The following DTL variants were observed in gnomAD, a reference collection of about 807,000 sequenced individuals.
DTL encodes denticleless E3 ubiquitin protein ligase adapter.
In DTL, 46 loss-of-function variants were observed where a neutral mutation model predicts 87.0. The observed-to-expected ratio is 0.53, with a 90% CI of 0.42 to 0.68. The LOEUF is 0.68. DTL is among the 30% of genes least tolerant of loss of function. DTL has a pLI of 0.00. For missense variants in DTL, 737 were observed against 869.4 expected, an observed-to-expected ratio of 0.85 and a Z score of 1.91; for synonymous variants, 308 against 311.2, an observed-to-expected ratio of 0.99 and a Z score of 0.11.
chr1:212,097,699 A>G (rs775689549), intron 13 of DTL, among the ~76,000 whole-genome samples: 2 of 151,858 alleles, frequency 1.3e-5, no homozygotes, highest in Non-Finnish European at 2.9e-5. Flanking sequence ...TTAATAATTG[A>G]CCTTCTAAAT....
chr1:212,068,234 G>A lies in DTL; in HGVS notation c.724G>A (p.Val242Ile). The change falls in exon 9 of 15, where the codon GTA becomes ATA. Residue 242 changes from valine to isoleucine, a missense_variant. By Grantham distance (29) the Val-to-Ile change is conservative. Coordinates refer to ENST00000366991, the MANE Select transcript of DTL (RefSeq NM_016448.4). ...TGCCTTGGTTTTTAGGATAATCAAAGTATGGGATTTACGTAAGAATTATAC... is the reference window on the plus strand; with the variant it reads ...TGCCTTGGTTTTTAGGATAATCAAAATATGGGATTTACGTAAGAATTATAC... ...SAGAVDGIIK[V>I]WDLRKNYTAY... The A allele has an allele frequency of 6.2e-7, 1 of 1,603,180 alleles. No individual in the cohort carries two copies. The highest frequency in any genetic ancestry group is 1.1e-5 in the South Asian group (1 of 88,560).
intron 10 of DTL, among the ~76,000 whole-genome samples, chr1:212,071,424 T>G (rs1008573279): frequency 6.6e-6 from 1 of 152,192 alleles, no homozygotes; most frequent in African/African-American, 2.4e-5. Context: ...CTTTTGCCAT[T>G]GAGAGTGAGA....
At chr1:212,036,360 A>G (rs1163506745) in intron 1 of DTL, among the ~76,000 whole-genome samples, 3 of 152,228 alleles carry the variant, frequency 2.0e-5, no homozygotes, top group African/African-American at 7.2e-5. Flanking sequence ...ATAGGTATAT[A>G]CCAGTGAATA....
intron 11 of DTL, among the ~76,000 whole-genome samples, chr1:212,075,113 G>A (rs1396128028): frequency 1.3e-5 from 2 of 152,184 alleles, no homozygotes; most frequent in African/African-American, 4.8e-5. Flanking sequence ...ACTTTAGGAA[G>A]TGTAAATGAT....
chr1:212,098,918 C>A (rs1244118642), intron 13 of DTL, among the ~76,000 whole-genome samples: 1 of 152,050 alleles, frequency 6.6e-6, no homozygotes, highest in East Asian at 1.9e-4. Flanking sequence ...TGTCCCATCC[C>A]CCTGCAGATT....
intron 5 of DTL, among the ~76,000 whole-genome samples, chr1:212,048,938 T>TTTG (rs1558072548): frequency 8.9e-5 from 13 of 145,916 alleles, no homozygotes; most frequent in African/African-American, 3.4e-4. Context: ...TTGTTTGTTT[T>TTTG]TTGAGACAAA....
At chr1:212,060,338 T>A (rs1452167674) in intron 5 of DTL, among the ~76,000 whole-genome samples, 1 of 152,162 alleles carries the variant, frequency 6.6e-6, no homozygotes, top group African/African-American at 2.4e-5. Context: ...TACAGCCAAT[T>A]GATTTTCAAT....
intron 10 of DTL, among the ~76,000 whole-genome samples, chr1:212,070,893 T>G (rs1389055529): frequency 1.3e-5 from 2 of 152,174 alleles, no homozygotes; most frequent in East Asian, 3.9e-4. Context: ...CCAGCCTTTC[T>G]TAGACCAGCA....
chr1:212,050,950 T>C (rs548068066), intron 5 of DTL, among the ~76,000 whole-genome samples: 11 of 152,266 alleles, frequency 7.2e-5, no homozygotes, highest in African/African-American at 2.6e-4. Flanking sequence ...TGGTCTTTTA[T>C]AGAATTTCAA....
At chr1:212,061,010 C>T (rs1654279109) in intron 5 of DTL, among the ~76,000 whole-genome samples, 1 of 152,030 alleles carries the variant, frequency 6.6e-6, no homozygotes, top group African/African-American at 2.4e-5. Flanking sequence ...AGAATGTATA[C>T]AAGGAACTCG....
At chr1:212,048,616 G>A (rs1319387063) in intron 5 of DTL, among the ~76,000 whole-genome samples, 1 of 152,178 alleles carries the variant, frequency 6.6e-6, no homozygotes, top group African/African-American at 2.4e-5. Flanking sequence ...GTAGCAGCTA[G>A]GGAAAAACTT....
intron 1 of DTL, among the ~76,000 whole-genome samples, chr1:212,036,146 T>C (rs534391712): frequency 6.6e-6 from 1 of 152,316 alleles, no homozygotes; most frequent in African/African-American, 2.4e-5. Flanking sequence ...ATCGGGCTTT[T>C]AAAATCGTAA....
chr1:212,051,442 CTTTTTTTTTTT>C (rs958429363), intron 5 of DTL: 33 of 197,180 alleles, frequency 1.7e-4, no homozygotes, highest in African/African-American at 2.7e-4. Context: ...ATATGAAATT[CTTTTTTTTTTT>C]TTTTTTTTTT....
intron 12 of DTL, among the ~76,000 whole-genome samples, chr1:212,079,952 A>G (rs1654942127): frequency 6.6e-6 from 1 of 152,224 alleles, no homozygotes; most frequent in Non-Finnish European, 1.5e-5. Flanking sequence ...ATTTGCCACA[A>G]GCTCTTCAAG....
intron 13 of DTL, among the ~76,000 whole-genome samples, chr1:212,081,182 G>A (rs967052251): frequency 9.2e-5 from 14 of 152,142 alleles, no homozygotes; most frequent in African/African-American, 3.4e-4. Context: ...GGTGAAATAT[G>A]CTATCAAAAT....
intron 13 of DTL, among the ~76,000 whole-genome samples, chr1:212,094,451 T>C (rs557118860): frequency 6.6e-6 from 1 of 152,366 alleles, no homozygotes; most frequent in East Asian, 1.9e-4. Flanking sequence ...TTCTATTGCA[T>C]TGGTCTATGT....
intron 1 of DTL, among the ~76,000 whole-genome samples, chr1:212,041,484 C>T (rs1400500224): frequency 3.9e-5 from 5 of 126,980 alleles, no homozygotes; most frequent in African/African-American, 1.2e-4. Flanking sequence ...CTTGTGACCT[C>T]AACATAACTA....
chr1:212,092,567 A>G (rs1655316573), intron 13 of DTL, among the ~76,000 whole-genome samples: 1 of 152,030 alleles, frequency 6.6e-6, no homozygotes, highest in Non-Finnish European at 1.5e-5. Flanking sequence ...CTCCAACTCC[A>G]TCCTGGTTCC....
chr1:212,042,239 G>A (rs1396364256), intron 1 of DTL, among the ~76,000 whole-genome samples: 1 of 138,948 alleles, frequency 7.2e-6, no homozygotes, highest in Non-Finnish European at 1.6e-5. Context: ...TACTATGTAG[G>A]AGCATAGTGC....
Sources: allele counts gnomAD v4.1 joint callset (sites outside exome capture counted in the v4.1 genomes callset), GRCh38; gene constraint gnomAD v4.1.1; transcripts MANE v1.5; gene names NCBI Gene and HGNC (gene_info 2026-07-23, HGNC 2026-07-21).